MIPOL1: variants seen among roughly 807,000 people sequenced by gnomAD.
MIPOL1 encodes mirror-image polydactyly 1.
A neutral mutation model predicts 60.9 loss-of-function variants in MIPOL1; 57 were observed. That is an observed-to-expected ratio of 0.94 (90% CI 0.76 to 1.17). The LOEUF (loss-of-function observed/expected upper bound fraction) is 1.17, where lower values mean the gene tolerates loss of function less well. MIPOL1 is among the 50% of genes most tolerant of loss of function. The pLI is 0.00. For synonymous variants in MIPOL1, 179 were observed against 168.8 expected, an observed-to-expected ratio of 1.06 and a Z score of -0.47; for missense variants, 551 against 511.6, an observed-to-expected ratio of 1.08 and a Z score of -0.74.
At chr14:37,298,032 GCTACCTGACT>G (rs1358172611) in intron 7 of MIPOL1, among the ~76,000 whole-genome samples, 1 of 152,098 alleles carries the variant, frequency 6.6e-6, no homozygotes, top group Non-Finnish European at 1.5e-5. Context: ...GAGGCATCAT[GCTACCTGACT>G]TCAAACTATA....
At chr14:37,545,657 G>C in intron 12 of MIPOL1, 1 of 641,564 alleles carries the variant, frequency 1.6e-6, no homozygotes, top group Non-Finnish European at 2.8e-6. Context: ...CCTGTTTTTT[G>C]TTAACAGAAT....
At chr14:37,249,869 C>T (rs899266871) in intron 3 of MIPOL1, among the ~76,000 whole-genome samples, 6 of 152,024 alleles carry the variant, frequency 3.9e-5, no homozygotes, top group African/African-American at 9.7e-5. Context: ...TTGTGTTTCT[C>T]ATTCACACAT....
chr14:37,514,370 T>G (rs1181590433), intron 12 of MIPOL1, among the ~76,000 whole-genome samples: 1 of 152,186 alleles, frequency 6.6e-6, no homozygotes, highest in Non-Finnish European at 1.5e-5. Context: ...AAAAGGTTAC[T>G]AAATGACACT....
Position 37,234,857 on chromosome 14 carries a change from A to G in MIPOL1, c.-198-12246A>G, listed in dbSNP as rs537289217. Among the ~76,000 whole-genome samples the G allele has an allele frequency of 6.0e-5, 9 of 151,258 alleles. No individual in the cohort carries two copies. The South Asian group carries it at 1.5e-3, about 25-fold the overall frequency. ...GCGGCACGATCTCGACTCCATGCAA[A>G]CTCCGCCTCATGGGTTCAGGCCATT... is the stretch of plus-strand genomic sequence containing the variant. On this transcript the variant is annotated intron_variant, in intron 1 of 12. Coordinates refer to ENST00000684589, the MANE Select transcript of MIPOL1 (RefSeq NM_001388067.1).
chr14:37,434,279 A>G (rs921642229), intron 11 of MIPOL1, among the ~76,000 whole-genome samples: 4 of 152,154 alleles, frequency 2.6e-5, no homozygotes, highest in African/African-American at 7.2e-5. Flanking sequence ...TTCTCTAATG[A>G]CCAATGGTGA....
intron 1 of MIPOL1, among the ~76,000 whole-genome samples, chr14:37,202,123 C>T (rs1269014427): frequency 1.3e-5 from 2 of 152,148 alleles, no homozygotes; most frequent in African/African-American, 4.8e-5. Context: ...TTAGCCACTG[C>T]ACCAGCCCAT....
At chr14:37,303,464 T>C (rs1403340078) in intron 7 of MIPOL1, among the ~76,000 whole-genome samples, 1 of 151,900 alleles carries the variant, frequency 6.6e-6, no homozygotes, top group Non-Finnish European at 1.5e-5. Context: ...TGGTTTATTC[T>C]ATCTCTTTAA....
chr14:37,511,441 A>G (rs1463900392), intron 12 of MIPOL1, among the ~76,000 whole-genome samples: 1 of 152,202 alleles, frequency 6.6e-6, no homozygotes, highest in East Asian at 1.9e-4. Context: ...AAGAGCAGCT[A>G]AGAGCACAGG....
chr14:37,229,677 A>G (rs1051810982), intron 1 of MIPOL1, among the ~76,000 whole-genome samples: 1 of 152,192 alleles, frequency 6.6e-6, no homozygotes, highest in African/African-American at 2.4e-5. Context: ...ACTACTGATT[A>G]TATACCTCTT....
rs1312611759 is a variant in MIPOL1 at position 37,430,222 on chromosome 14, G to A, written c.1031+7273G>A. ...TTAATCAGATTTTTTTTTGATTACC[G>A]TAGACAAGTTTCAACTTTGCTTGAT... On this transcript the variant is annotated intron_variant, in intron 11 of 12. Transcript: ENST00000684589. Among the ~76,000 whole-genome samples the A allele has an allele frequency of 3.9e-5, 6 of 151,956 alleles. No homozygotes were observed. In the East Asian group the frequency reaches 5.8e-4, roughly 15 times the overall value.
chr14:37,219,532 A>C (rs989269489), intron 1 of MIPOL1: 2 of 151,840 alleles, frequency 1.3e-5, no homozygotes, highest in African/African-American at 4.8e-5. Flanking sequence ...GCCTGCCTAA[A>C]ATTTTTTTAA....
chr14:37,352,846 T>A, intron 9 of MIPOL1, among the ~76,000 whole-genome samples: 1 of 112,956 alleles, frequency 8.9e-6, no homozygotes, highest in Non-Finnish European at 1.8e-5. Context: ...TCATGTCATC[T>A]GCAAACAGGG....
At chr14:37,266,868 TTGAC>T in intron 3 of MIPOL1, 66 bp from the exon 4 acceptor site, 1 of 1,030,996 alleles carries the variant, frequency 9.7e-7, no homozygotes. Flanking sequence ...AAATATTTAT[TTGAC>T]TGAATGATTT....
intron 9 of MIPOL1, among the ~76,000 whole-genome samples, chr14:37,360,799 T>A (rs565980664): frequency 3.5e-4 from 53 of 152,340 alleles, no homozygotes; most frequent in Non-Finnish European, 6.5e-4. Flanking sequence ...TTTGAAGGGT[T>A]TTTTGTGTCC....
intron 7 of MIPOL1, among the ~76,000 whole-genome samples, chr14:37,289,252 A>G (rs192768033): frequency 2.9e-4 from 44 of 152,326 alleles, no homozygotes; most frequent in African/African-American, 8.9e-4. Flanking sequence ...CCAAATGTGT[A>G]GTTATTTCCT....
chr14:37,263,960 C>G (rs2082688005), intron 3 of MIPOL1, among the ~76,000 whole-genome samples: 2 of 152,066 alleles, frequency 1.3e-5, no homozygotes, highest in South Asian at 4.1e-4. Flanking sequence ...CAAAACAGAC[C>G]AATAGCTTCA....
rs149166873 is a variant in MIPOL1 at position 37,201,116 on chromosome 14, G to A, written c.-199+3012G>A. 4.2e-3 allele frequency among the ~76,000 whole-genome samples: 642 copies of A among 151,744 alleles called. 6 individuals are homozygous for A. The highest frequency in any genetic ancestry group is 6.8e-3 in the Non-Finnish European group (463 of 67,944). On this transcript the variant is annotated intron_variant, in intron 1 of 12. Coordinates refer to ENST00000684589, the MANE Select transcript of MIPOL1 (RefSeq NM_001388067.1). ...GATGGGGTTTTGCCATGTTGCCCAG[G>A]CTGGTTTTAAACTCCTGAGCTCAAG...
At chr14:37,434,916 A>G (rs899148711) in intron 11 of MIPOL1, among the ~76,000 whole-genome samples, 3 of 151,752 alleles carry the variant, frequency 2.0e-5, no homozygotes, top group Non-Finnish European at 4.4e-5. Context: ...CAAATATCTC[A>G]TTACCGTAGC....
At chr14:37,335,797 T>G (rs2090060650) in intron 9 of MIPOL1, among the ~76,000 whole-genome samples, 1 of 152,178 alleles carries the variant, frequency 6.6e-6, no homozygotes, top group Non-Finnish European at 1.5e-5. Context: ...TTGTATATTC[T>G]GGATTAAACT....
Sources: gnomAD v4.1 joint callset for allele counts (sites outside exome capture counted in the v4.1 genomes callset) on GRCh38, gnomAD v4.1.1 for gene constraint, MANE v1.5 for transcripts, NCBI Gene and HGNC (gene_info 2026-07-23, HGNC 2026-07-21) for gene names.